Variants in CNTLN observed in about 807,000 individuals in gnomAD.
CNTLN encodes centlein.
In CNTLN, 212 loss-of-function variants were observed where a neutral mutation model predicts 180.0. The ratio of observed to expected loss-of-function variants is 1.18; its 90% confidence interval spans 1.05 to 1.32. The LOEUF (loss-of-function observed/expected upper bound fraction) is 1.32. CNTLN is among the 40% of genes most tolerant of loss of function. The pLI is 0.00. For synonymous variants in CNTLN, 722 were observed against 563.1 expected, an observed-to-expected ratio of 1.28 and a Z score of -3.99; for missense variants, 2,095 against 1,610.9, an observed-to-expected ratio of 1.30 and a Z score of -5.14.
At chr9:17,197,795 C>T (rs865948490) in intron 2 of CNTLN, among the ~76,000 whole-genome samples, 43 of 152,270 alleles carry the variant, frequency 2.8e-4, no homozygotes, top group African/African-American at 1.0e-3. Flanking sequence ...GAGTATTACT[C>T]AAGAAATCTT....
chr9:17,154,381 C>T (rs1819112358), intron 2 of CNTLN, among the ~76,000 whole-genome samples: 1 of 152,206 alleles, frequency 6.6e-6, no homozygotes, highest in Non-Finnish European at 1.5e-5. Flanking sequence ...TCTTTTCCTT[C>T]TGACAGTCAG....
chr9:17,141,674 A>G (rs1443031268), intron 1 of CNTLN, among the ~76,000 whole-genome samples: 1 of 152,192 alleles, frequency 6.6e-6, no homozygotes, highest in Non-Finnish European at 1.5e-5. Context: ...GACGGAATTG[A>G]CTTGGACTAG....
intron 25 of CNTLN, among the ~76,000 whole-genome samples, chr9:17,502,101 C>G (rs1436954676): frequency 1.3e-5 from 2 of 152,184 alleles, no homozygotes; most frequent in African/African-American, 2.4e-5. Context: ...AGTTTTCACT[C>G]TACAATTCTT....
At chr9:17,420,442 T>C (rs1398133834) in intron 18 of CNTLN, among the ~76,000 whole-genome samples, 1 of 152,198 alleles carries the variant, frequency 6.6e-6, no homozygotes, top group Non-Finnish European at 1.5e-5. Context: ...TTATTTGTCT[T>C]CTCTTTTTCT....
chr9:17,180,407 A>G, intron 2 of CNTLN, among the ~76,000 whole-genome samples: 1 of 149,436 alleles, frequency 6.7e-6, no homozygotes, highest in Middle Eastern at 3.6e-3. Flanking sequence ...GTGTACTGGT[A>G]TCAATATTTT....
chr9:17,357,144 A>C, intron 12 of CNTLN, among the ~76,000 whole-genome samples: 1 of 152,068 alleles, frequency 6.6e-6, no homozygotes, highest in East Asian at 1.9e-4. Flanking sequence ...TTCATTTACT[A>C]TTTCTTCAAG....
At chr9:17,339,333 T>G (rs1821294298) in intron 10 of CNTLN, among the ~76,000 whole-genome samples, 1 of 152,206 alleles carries the variant, frequency 6.6e-6, no homozygotes, top group Non-Finnish European at 1.5e-5. Context: ...TTACTTGGTT[T>G]CTAAAAGATA....
At chr9:17,231,584 T>G (rs965682418) in intron 3 of CNTLN, among the ~76,000 whole-genome samples, 2 of 152,132 alleles carry the variant, frequency 1.3e-5, no homozygotes, top group African/African-American at 4.8e-5. Flanking sequence ...CATTTTTTCC[T>G]TACCTTCTAG....
intron 2 of CNTLN, among the ~76,000 whole-genome samples, chr9:17,180,887 T>G (rs555044136): frequency 6.6e-6 from 1 of 152,250 alleles, no homozygotes; most frequent in African/African-American, 2.4e-5. Context: ...TTCCTTCTGG[T>G]TTTGGTGGTT....
the CNTLN span, among the ~76,000 whole-genome samples, chr9:17,512,927 C>G: frequency 0.33 from 50,683 of 152,088 alleles, 9,038 homozygotes; most frequent in South Asian, 0.53. Flanking sequence ...CGCCATTGTC[C>G]TGCCTCAGCG....
intron 8 of CNTLN, among the ~76,000 whole-genome samples, chr9:17,316,604 T>C (rs1269103467): frequency 1.3e-5 from 2 of 152,084 alleles, no homozygotes; most frequent in African/African-American, 4.8e-5. Context: ...CATTGTAAAG[T>C]TGAAAAATCA....
intron 10 of CNTLN, among the ~76,000 whole-genome samples, chr9:17,340,108 G>C (rs1250221488): frequency 6.6e-6 from 1 of 152,134 alleles, no homozygotes; most frequent in Admixed American, 6.6e-5. Context: ...AGTGAGCTTT[G>C]AACTCCAGCC....
At chr9:17,387,182 T>C (rs966307190) in intron 13 of CNTLN, among the ~76,000 whole-genome samples, 2 of 152,200 alleles carry the variant, frequency 1.3e-5, no homozygotes, top group Admixed American at 1.3e-4. Flanking sequence ...ATTTCTACTC[T>C]ACAGAGAATA....
At chr9:17,287,427 T>C (rs1252593930) in intron 6 of CNTLN, among the ~76,000 whole-genome samples, 2 of 151,174 alleles carry the variant, frequency 1.3e-5, no homozygotes, top group Non-Finnish European at 3.0e-5. Flanking sequence ...TATTCAGGAT[T>C]TTTGCATCAA....
rs547387904 is a variant in CNTLN, at chr9:17,267,541, A to G, written c.850-6192A>G. 3.3e-5 allele frequency among the ~76,000 whole-genome samples: 5 copies of G among 151,906 alleles called. No individual in the cohort carries two copies. The South Asian group carries it at 8.3e-4, about 25-fold the overall frequency. Reference sequence around the variant, plus strand: ...CTTGGAGTTGCTCTTCTCGAGGAGTATCTTTGTGGCGTTCTCTGTGTTTCC... The same window carrying G: ...CTTGGAGTTGCTCTTCTCGAGGAGTGTCTTTGTGGCGTTCTCTGTGTTTCC... On this transcript the variant is annotated intron_variant, in intron 5 of 25. Transcript: ENST00000380647.
In CNTLN at chr9:17,152,563, T is replaced by C. The variant is rs1312505387; in HGVS notation, c.449+9187T>C. On this transcript the variant is annotated intron_variant, in intron 2 of 25. Coordinates refer to ENST00000380647, the MANE Select transcript of CNTLN (RefSeq NM_017738.4). ...TTTCTGTTCTTTTGCATTTGCTGAG[T>C]AGTGTTTTACTTGCAATTATATGGT... 5.9e-5 allele frequency among the ~76,000 whole-genome samples: 9 copies of C among 152,176 alleles called. No individual in the cohort carries two copies. The East Asian group carries it at 1.5e-3, about 26-fold the overall frequency.
At chr9:17,420,789 C>T (rs759705765) in intron 18 of CNTLN, among the ~76,000 whole-genome samples, 2 of 151,966 alleles carry the variant, frequency 1.3e-5, no homozygotes, top group East Asian at 3.9e-4. Context: ...TTGAATTTTC[C>T]TCTTAATTTC....
At chr9:17,270,525 C>G (rs551771089) in intron 5 of CNTLN, among the ~76,000 whole-genome samples, 1 of 152,148 alleles carries the variant, frequency 6.6e-6, no homozygotes, top group Admixed American at 6.5e-5. Context: ...ATTTTTGCAT[C>G]TATATGCCTA....
chr9:17,164,396 C>T (rs1221902493), intron 2 of CNTLN, among the ~76,000 whole-genome samples: 3 of 140,466 alleles, frequency 2.1e-5, no homozygotes, highest in African/African-American at 7.9e-5. Flanking sequence ...TAGCTTTAAT[C>T]GAATATGTAT....
Sources: allele counts gnomAD v4.1 joint callset (sites outside exome capture counted in the v4.1 genomes callset), GRCh38; gene constraint gnomAD v4.1.1; transcripts MANE v1.5; gene names NCBI Gene and HGNC (gene_info 2026-07-23, HGNC 2026-07-21).